ARB2A: variants seen among roughly 807,000 people sequenced by gnomAD.
The protein encoded by ARB2A is cotranscriptional regulator ARB2A.
the ARB2A span, among the ~76,000 whole-genome samples, chr5:93,790,270 T>C: frequency 6.6e-6 from 1 of 152,142 alleles, no homozygotes; most frequent in Non-Finnish European, 1.5e-5. Context: ...AGTACATAAT[T>C]ATAATAGGTC....
chr5:94,095,414 G>A, the ARB2A span, among the ~76,000 whole-genome samples: 2 of 152,192 alleles, frequency 1.3e-5, no homozygotes, highest in African/African-American at 4.8e-5. Context: ...AAGCTCCTCA[G>A]CAAACTATAC....
chr5:93,880,749 A>T, the ARB2A span, among the ~76,000 whole-genome samples: 3 of 151,838 alleles, frequency 2.0e-5, no homozygotes, highest in East Asian at 5.8e-4. Context: ...TGTGCCCCCT[A>T]CAGAATTAGA....
the ARB2A span, among the ~76,000 whole-genome samples, chr5:94,106,127 A>T: frequency 6.6e-6 from 1 of 152,036 alleles, no homozygotes; most frequent in East Asian, 1.9e-4. Flanking sequence ...CAAAAATTGA[A>T]AAGAAAGACC....
At chr5:93,975,316 CAAAAA>C in the ARB2A span, among the ~76,000 whole-genome samples, 1 of 61,862 alleles carries the variant, frequency 1.6e-5, no homozygotes, top group Non-Finnish European at 3.1e-5. Flanking sequence ...GACTCCATCT[CAAAAA>C]AAAAAAAAAA....
the ARB2A span, among the ~76,000 whole-genome samples, chr5:94,101,902 A>G: frequency 7.2e-5 from 11 of 152,002 alleles, 1 homozygote. Flanking sequence ...GACACATGTT[A>G]TCTATGTAGC....
At chr5:93,727,622 A>G in the ARB2A span, among the ~76,000 whole-genome samples, 6 of 152,140 alleles carry the variant, frequency 3.9e-5, no homozygotes, top group African/African-American at 1.4e-4. Flanking sequence ...TGAAAAGGCA[A>G]TTGCCCAGTG....
At chr5:93,734,471 A>AAGG in the ARB2A span, 1 of 152,200 alleles carries the variant, frequency 6.6e-6, no homozygotes, top group African/African-American at 2.4e-5. Flanking sequence ...AAGGCTATGA[A>AAGG]CCATCTTTAA....
the ARB2A span, among the ~76,000 whole-genome samples, chr5:93,752,446 C>A: frequency 2.6e-5 from 4 of 152,092 alleles, no homozygotes; most frequent in Non-Finnish European, 5.9e-5. Flanking sequence ...AATTTTTTAT[C>A]TTTAAAGAAA....
chr5:93,684,410 C>T, the ARB2A span, among the ~76,000 whole-genome samples: 1 of 152,162 alleles, frequency 6.6e-6, no homozygotes, highest in East Asian at 1.9e-4. Context: ...TCAATACAGG[C>T]TAGCTGTTAT....
the ARB2A span, among the ~76,000 whole-genome samples, chr5:94,087,563 G>T: frequency 6.6e-6 from 1 of 152,086 alleles, no homozygotes; most frequent in Non-Finnish European, 1.5e-5. Flanking sequence ...AAAACTAGTT[G>T]TATATATTTT....
chr5:93,676,126 T>A, the ARB2A span, among the ~76,000 whole-genome samples: 2 of 152,116 alleles, frequency 1.3e-5, no homozygotes, highest in African/African-American at 4.8e-5. Context: ...ACCAAGATTG[T>A]AGAAACATCA....
At chr5:93,965,691 A>G in the ARB2A span, among the ~76,000 whole-genome samples, 1 of 152,056 alleles carries the variant, frequency 6.6e-6, no homozygotes, top group African/African-American at 2.4e-5. Context: ...TATGCAAAAT[A>G]CCTCAGAGAA....
At chr5:93,724,914 A>G in the ARB2A span, among the ~76,000 whole-genome samples, 57 of 152,166 alleles carry the variant, frequency 3.7e-4, no homozygotes, top group African/African-American at 1.2e-3. Flanking sequence ...CACAAACACT[A>G]TGATACTGCC....
At chr5:93,857,566 C>G in the ARB2A span, among the ~76,000 whole-genome samples, 2 of 152,100 alleles carry the variant, frequency 1.3e-5, no homozygotes, top group South Asian at 4.2e-4. Flanking sequence ...AGCGAGACTC[C>G]ATGGGCGTAG....
At chr5:93,647,249 G>A in the ARB2A span, among the ~76,000 whole-genome samples, 1 of 151,684 alleles carries the variant, frequency 6.6e-6, no homozygotes, top group Non-Finnish European at 1.5e-5. Context: ...CCCCCGAGAC[G>A]GAGTCTTACT....
At chr5:93,973,176 C>G in the ARB2A span, among the ~76,000 whole-genome samples, 1 of 151,682 alleles carries the variant, frequency 6.6e-6, no homozygotes, top group East Asian at 2.0e-4. Flanking sequence ...GTCTTGAACT[C>G]CTTGAACTTA....
chr5:94,005,286 C>A, the ARB2A span, among the ~76,000 whole-genome samples: 1 of 152,242 alleles, frequency 6.6e-6, no homozygotes, highest in Middle Eastern at 3.4e-3. Context: ...TTACTGCAAC[C>A]TTTGCCTTTT....
At chr5:93,812,855 G>T in the ARB2A span, among the ~76,000 whole-genome samples, 4 of 152,048 alleles carry the variant, frequency 2.6e-5, no homozygotes, top group Non-Finnish European at 5.9e-5. Flanking sequence ...TTCATATAAG[G>T]TATGGAAAAA....
chr5:93,847,231 T>G, the ARB2A span, among the ~76,000 whole-genome samples: 1 of 152,204 alleles, frequency 6.6e-6, no homozygotes, highest in Non-Finnish European at 1.5e-5. Flanking sequence ...CTCTTGCTGT[T>G]TCCACCTCAT....
Sources: allele counts gnomAD v4.1 joint callset (sites outside exome capture counted in the v4.1 genomes callset), GRCh38; gene constraint gnomAD v4.1.1; transcripts MANE v1.5; gene names NCBI Gene and HGNC (gene_info 2026-07-23, HGNC 2026-07-21).